Variants in KIF13A observed in about 807,000 individuals in gnomAD.
KIF13A encodes the protein kinesin-like protein KIF13A.
Under a neutral mutation model 212.2 loss-of-function variants are expected in KIF13A, and 79 were observed. The ratio of observed to expected loss-of-function variants is 0.37; its 90% CI spans 0.31 to 0.45. The LOEUF (loss-of-function observed/expected upper bound fraction) is 0.45. KIF13A is among the 20% of genes least tolerant of loss of function. The pLI, the probability that KIF13A is intolerant of heterozygous loss-of-function variation, is 1.00. For missense variants in KIF13A, 1,901 were observed against 2,209.0 expected (o/e 0.86, Z 2.79); for synonymous variants, 789 against 808.6 (o/e 0.98, Z 0.41).
intron 2 of KIF13A, among the ~76,000 whole-genome samples, chr6:17,906,256 T>C (rs1358907426): frequency 6.6e-6 from 1 of 152,180 alleles, no homozygotes; most frequent in Non-Finnish European, 1.5e-5. Flanking sequence ...ATTCAGAATC[T>C]ACTAAGTTTA....
chr6:17,890,137 G>A (rs1235016660), intron 3 of KIF13A, among the ~76,000 whole-genome samples: 6 of 146,350 alleles, frequency 4.1e-5, no homozygotes, highest in Non-Finnish European at 5.9e-5. Flanking sequence ...GCAGTGAGCC[G>A]AGATCGCACC....
At chr6:17,920,440 G>T (rs146379064) in intron 2 of KIF13A, among the ~76,000 whole-genome samples, 16 of 152,256 alleles carry the variant, frequency 1.1e-4, no homozygotes, top group Admixed American at 6.5e-4. Flanking sequence ...ACATTAAAAA[G>T]AAAATTTTGG....
At chr6:17,760,704 T>C (rs961511130), downstream of KIF13A, 4 of 664,844 alleles carry the variant, frequency 6.0e-6, no homozygotes, top group Admixed American at 5.0e-5. Flanking sequence ...GGAAAGGAGG[T>C]GGCCCAGGAA....
chr6:17,944,605 C>G (rs886631036), intron 2 of KIF13A, among the ~76,000 whole-genome samples: 2 of 152,170 alleles, frequency 1.3e-5, no homozygotes, highest in Admixed American at 1.3e-4. Flanking sequence ...CTAAACCACA[C>G]AGGCACTGAG....
intron 2 of KIF13A, among the ~76,000 whole-genome samples, chr6:17,921,837 TAGA>T (rs1399241656): frequency 1.3e-5 from 2 of 152,152 alleles, no homozygotes; most frequent in African/African-American, 4.8e-5. Flanking sequence ...CTTCCCCCAG[TAGA>T]AGTTTTGTTT....
At position 17,921,749 on chromosome 6, in the gene KIF13A, T is replaced by C. The variant is rs1775090245; in HGVS notation, c.147-23569A>G. The stretch of plus-strand genomic sequence containing the variant: ...AGAACAAAAACTCTTGGTGTCGTCC[T>C]GTGCTCTGAAGACTAGCCTGCTTCT... On this transcript the variant is annotated intron_variant, in intron 2 of 38. Coordinates refer to ENST00000259711, the MANE Select transcript of KIF13A (RefSeq NM_022113.6). Among the ~76,000 whole-genome samples, 3 of 152,294 alleles carry C rather than the reference T, an allele frequency of 2.0e-5. No individual in the cohort carries two copies. The South Asian group carries it at 6.2e-4, about 32-fold the overall frequency.
rs77005117 is a variant in KIF13A, at chr6:17,894,889, G to A, written c.159+3279C>T. 5.6e-3 allele frequency among the ~76,000 whole-genome samples: 850 copies of A among 152,084 alleles called. 13 individuals carry two copies. Among genetic ancestry groups the A allele is most frequent in the African/African-American group, 0.019 (785 of 41,470 alleles). ...TAGTACTCAGAGAGTACAATCCCAG[G>A]GATTGATAGAAAGGATGTGAGACCT... is the stretch of plus-strand genomic sequence containing the variant. On this transcript the variant is annotated intron_variant, in intron 3 of 38. Transcript: ENST00000259711.
intron 2 of KIF13A, among the ~76,000 whole-genome samples, chr6:17,904,522 T>C (rs886346989): frequency 6.6e-6 from 1 of 152,192 alleles, no homozygotes; most frequent in African/African-American, 2.4e-5. Context: ...GACCTATACT[T>C]GGACAGGTCT....
chr6:17,938,443 G>A (rs972976618), intron 2 of KIF13A, among the ~76,000 whole-genome samples: 4 of 152,126 alleles, frequency 2.6e-5, no homozygotes, highest in Non-Finnish European at 4.4e-5. Flanking sequence ...AAATCATGAA[G>A]GGCTTCATGA....
chr6:17,903,856 G>A (rs1773261300), intron 2 of KIF13A, among the ~76,000 whole-genome samples: 1 of 152,138 alleles, frequency 6.6e-6, no homozygotes, highest in Non-Finnish European at 1.5e-5. Context: ...AAACAGTACA[G>A]TTGCCAGGCG....
At chr6:17,857,441 T>G (rs1332911745) in intron 4 of KIF13A, among the ~76,000 whole-genome samples, 1 of 152,158 alleles carries the variant, frequency 6.6e-6, no homozygotes, top group Non-Finnish European at 1.5e-5. Flanking sequence ...TTTCTCTCTC[T>G]CTCGCTGCCA....
chr6:17,837,064 G>T lies in KIF13A; in HGVS notation c.969C>A (p.Thr323=). 1 of 1,613,870 alleles carries T rather than the reference G, an allele frequency of 6.2e-7. No individual in the cohort carries two copies. Among genetic ancestry groups the T allele is most frequent in the South Asian group, 1.1e-5 (1 of 91,078 alleles). Residue 323 remains threonine, a synonymous_variant, in exon 11 of 39, where the codon ACC becomes ACA. Transcript: ENST00000259711. The surrounding 1 kb of genome is among the most constrained non-coding windows in gnomAD (Gnocchi z 5.4). ...LKDNLGGNSQ[T]SMIATISPAA... is the part of the protein sequence containing the mutation. ...CTGGGCTGATTGTGGCTATCATAGAGGTTTGGCTGTTGCCCCCCAAGTTGT... is the reference window on the plus strand; with the variant it reads ...CTGGGCTGATTGTGGCTATCATAGATGTTTGGCTGTTGCCCCCCAAGTTGT...
chr6:17,970,541 A>T (rs1363618066), intron 2 of KIF13A, among the ~76,000 whole-genome samples: 6 of 152,200 alleles, frequency 3.9e-5, no homozygotes, highest in African/African-American at 1.4e-4. Context: ...TGCTTCCAGC[A>T]ATTTGCCTGC....
At chr6:17,909,306 C>A (rs548616190) in intron 2 of KIF13A, among the ~76,000 whole-genome samples, 1 of 152,060 alleles carries the variant, frequency 6.6e-6, no homozygotes, top group East Asian at 1.9e-4. Flanking sequence ...GAGGCCGAGG[C>A]GGGTGGATCA....
intron 2 of KIF13A, among the ~76,000 whole-genome samples, chr6:17,955,980 T>C (rs1205157631): frequency 6.6e-6 from 1 of 152,230 alleles, no homozygotes; most frequent in Non-Finnish European, 1.5e-5. Flanking sequence ...TGCCATATTT[T>C]CCAGATCTTA....
intron 33 of KIF13A, 91 bp downstream of exon 33, chr6:17,778,856 T>C: frequency 7.1e-7 from 1 of 1,411,992 alleles, no homozygotes; most frequent in Non-Finnish European, 9.8e-7. Flanking sequence ...TCTGATAGAT[T>C]TAGTGAGGTG....
At position 17,982,695 on chromosome 6, in the gene KIF13A, T is replaced by G. The variant is rs1396470286; in HGVS notation, c.146+4359A>C. ...CTTACAATTCACTTACATAAAATAA[T>G]TAAGAACAAAAACTTCTGTAGAAAG... On this transcript the variant is annotated intron_variant, in intron 2 of 38. Transcript: ENST00000259711. The surrounding 1 kb of genome is among the most constrained non-coding windows in gnomAD (Gnocchi z 5.1). Among the ~76,000 whole-genome samples, 1 of 152,136 alleles carries G rather than the reference T, an allele frequency of 6.6e-6. No individual in the cohort carries two copies. The highest frequency in any genetic ancestry group is 2.4e-5 in the African/African-American group (1 of 41,430).
rs1414688373 is a variant in KIF13A at position 17,971,676 on chromosome 6, C to T, written c.146+15378G>A. Among the ~76,000 whole-genome samples the T allele has an allele frequency of 6.6e-6, 1 of 152,176 alleles. No homozygotes were observed. The highest frequency in any genetic ancestry group is 1.5e-5 in the Non-Finnish European group (1 of 68,030). ...CTGGGCCCAAGCGATCCTCCCACCT[C>T]TGCCTCCCAAAGAATTGGGATTACA... On this transcript the variant is annotated intron_variant, in intron 2 of 38. Coordinates refer to ENST00000259711, the MANE Select transcript of KIF13A (RefSeq NM_022113.6). The surrounding 1 kb of genome is among the most constrained non-coding windows in gnomAD (Gnocchi z 4.2).
rs990674721 is a variant in KIF13A at position 17,914,385 on chromosome 6, T to TA, written c.147-16206dup. Among the ~76,000 whole-genome samples the TA allele has an allele frequency of 1.3e-5, 2 of 151,872 alleles. No individual in the cohort carries two copies. The highest frequency in any genetic ancestry group is 1.9e-4 in the East Asian group (1 of 5,190). On this transcript the variant is annotated intron_variant, in intron 2 of 38. Coordinates refer to ENST00000259711, the MANE Select transcript of KIF13A (RefSeq NM_022113.6). The surrounding 1 kb of genome is among the most constrained non-coding windows in gnomAD (Gnocchi z 5.9). ...TATGCAATCAACCAGTTAATATAATTAAAAAAAATTACAATAAAATACAAA... is the reference window on the plus strand; with the variant it reads ...TATGCAATCAACCAGTTAATATAATTAAAAAAAAATTACAATAAAATACAAA...
Sources: gnomAD v4.1 joint callset for allele counts (sites outside exome capture counted in the v4.1 genomes callset) on GRCh38, gnomAD v4.1.1 for gene constraint, Gnocchi (gnomAD v3.1) non-coding constraint, MANE v1.5 for transcripts, NCBI Gene and HGNC (gene_info 2026-07-23, HGNC 2026-07-21) for gene names.